Variants in CHCHD6 observed in about 807,000 individuals in gnomAD.
CHCHD6 encodes coiled-coil-helix-coiled-coil-helix domain containing 6, also known as MICOS complex subunit MIC25.
A neutral mutation model predicts 32.3 loss-of-function variants in CHCHD6; 28 were observed. The observed-to-expected ratio is 0.87, with a 90% CI of 0.64 to 1.19. The LOEUF (loss-of-function observed/expected upper bound fraction) is 1.19. CHCHD6 is among the 50% of genes most tolerant of loss of function. The pLI, the probability that CHCHD6 is intolerant of heterozygous loss-of-function variation, is 0.00. For synonymous variants in CHCHD6, 122 were observed against 117.5 expected (o/e 1.04, Z -0.25); for missense variants, 333 against 307.0 (o/e 1.08, Z -0.63).
chr3:126,809,054 C>T (rs7618204), intron 4 of CHCHD6, among the ~76,000 whole-genome samples: 2,880 of 152,132 alleles, frequency 0.019, 97 homozygotes, highest in African/African-American at 0.065. Flanking sequence ...TCACTGCAGC[C>T]TCCACCTCCC....
At chr3:126,840,337 A>G (rs1285985427) in intron 4 of CHCHD6, among the ~76,000 whole-genome samples, 2 of 152,186 alleles carry the variant, frequency 1.3e-5, no homozygotes, top group Non-Finnish European at 2.9e-5. Flanking sequence ...AACTTTGTGA[A>G]TGTACTAAAA....
At chr3:126,945,759 G>A (rs2078628350) in intron 6 of CHCHD6, among the ~76,000 whole-genome samples, 1 of 150,608 alleles carries the variant, frequency 6.6e-6, no homozygotes, top group Non-Finnish European at 1.5e-5. Flanking sequence ...AGACTTGAGT[G>A]GGGAGACTCG....
intron 4 of CHCHD6, among the ~76,000 whole-genome samples, chr3:126,807,227 C>T (rs1456250989): frequency 6.6e-6 from 1 of 151,622 alleles, no homozygotes; most frequent in South Asian, 2.1e-4. Context: ...CCAAAACATT[C>T]AGCCTCCATA....
chr3:126,873,808 G>A (rs536490243), intron 5 of CHCHD6, among the ~76,000 whole-genome samples: 56 of 152,332 alleles, frequency 3.7e-4, no homozygotes, highest in Admixed American at 1.9e-3. Flanking sequence ...CACAGGTCTA[G>A]TAAGTAGATG....
chr3:126,907,879 C>A (rs1249480493), intron 5 of CHCHD6, among the ~76,000 whole-genome samples: 1 of 152,140 alleles, frequency 6.6e-6, no homozygotes, highest in Non-Finnish European at 1.5e-5. Context: ...TTTTTCTTCC[C>A]AAGGGACAGC....
At chr3:126,812,552 T>A (rs1452101349) in intron 4 of CHCHD6, among the ~76,000 whole-genome samples, 2 of 151,822 alleles carry the variant, frequency 1.3e-5, no homozygotes, top group Non-Finnish European at 2.9e-5. Flanking sequence ...GTTTCCCTAG[T>A]ATGCTGGGAT....
At chr3:126,801,119 T>C (rs1041435073) in intron 4 of CHCHD6, among the ~76,000 whole-genome samples, 12 of 152,166 alleles carry the variant, frequency 7.9e-5, no homozygotes, top group African/African-American at 2.9e-4. Context: ...GGTCCACAGC[T>C]CCCAGCGTGA....
At chr3:126,755,367 C>T (rs1016045539) in intron 4 of CHCHD6, among the ~76,000 whole-genome samples, 4 of 152,148 alleles carry the variant, frequency 2.6e-5, no homozygotes, top group Admixed American at 6.5e-5. Flanking sequence ...AGAACCCAAG[C>T]GAATGCCCAC....
intron 6 of CHCHD6, among the ~76,000 whole-genome samples, chr3:126,952,041 G>A (rs1396802327): frequency 1.4e-4 from 21 of 152,328 alleles, no homozygotes; most frequent in Middle Eastern, 3.4e-3. Flanking sequence ...GTAATGCTTC[G>A]CACATTGTGC....
At chr3:126,826,244 T>C (rs998612608) in intron 4 of CHCHD6, among the ~76,000 whole-genome samples, 1 of 152,206 alleles carries the variant, frequency 6.6e-6, no homozygotes, top group African/African-American at 2.4e-5. Context: ...TTAGAAAGGC[T>C]GATGTGATGG....
At chr3:126,817,756 C>T (rs1401351986) in intron 4 of CHCHD6, among the ~76,000 whole-genome samples, 1 of 152,208 alleles carries the variant, frequency 6.6e-6, no homozygotes, top group African/African-American at 2.4e-5. Flanking sequence ...GACTTCCTGC[C>T]TCAGCCTGTC....
intron 4 of CHCHD6, chr3:126,766,652 C>A: frequency 1.9e-6 from 2 of 1,030,264 alleles, no homozygotes; most frequent in Non-Finnish European, 3.1e-6. Flanking sequence ...AGCTATGGTG[C>A]TCTCTCGGTG....
chr3:126,897,410 C>G (rs1482763318), intron 5 of CHCHD6, among the ~76,000 whole-genome samples: 1 of 152,172 alleles, frequency 6.6e-6, no homozygotes, highest in Non-Finnish European at 1.5e-5. Flanking sequence ...GGGTGTTACT[C>G]TTTTAACTAG....
intron 5 of CHCHD6, among the ~76,000 whole-genome samples, chr3:126,875,349 T>G (rs576295203): frequency 1.3e-3 from 204 of 152,358 alleles, no homozygotes; most frequent in African/African-American, 4.8e-3. Flanking sequence ...GCTGCCTGCC[T>G]TCTGAAGAGC....
chr3:126,852,731 G>C lies in CHCHD6; in HGVS notation c.495+1G>C. ...GCAGCTGGAGCGTATTGAGAGGAAG[G>C]TAAGACTCCTGCTTGGCTGCATTCC... On this transcript the variant is annotated splice_donor_variant, in intron 5 of 7. Transcript: ENST00000290913. LOFTEE classifies it high-confidence loss of function. 3.7e-6 allele frequency: 6 copies of C among 1,607,080 alleles called. No individual in the cohort carries two copies. Among genetic ancestry groups the C allele is most frequent in the Non-Finnish European group, 5.1e-6 (6 of 1,173,974 alleles).
At chr3:126,849,431 A>G (rs893336727) in intron 4 of CHCHD6, among the ~76,000 whole-genome samples, 3 of 152,136 alleles carry the variant, frequency 2.0e-5, no homozygotes, top group Non-Finnish European at 4.4e-5. Context: ...TGCCAGTGCT[A>G]TGTGTTTGGA....
intron 6 of CHCHD6, among the ~76,000 whole-genome samples, chr3:126,940,583 A>C (rs1304128157): frequency 6.6e-6 from 1 of 152,154 alleles, no homozygotes; most frequent in Non-Finnish European, 1.5e-5. Flanking sequence ...GGATACACAC[A>C]CCAAAAAAAA....
intron 6 of CHCHD6, among the ~76,000 whole-genome samples, chr3:126,918,118 A>G (rs746269107): frequency 3.9e-5 from 6 of 152,272 alleles, no homozygotes; most frequent in South Asian, 2.1e-4. Context: ...TTTCCCAAAT[A>G]CAGTAAACAC....
intron 4 of CHCHD6, among the ~76,000 whole-genome samples, chr3:126,772,494 C>T (rs542677891): frequency 3.6e-4 from 55 of 152,244 alleles, no homozygotes; most frequent in South Asian, 1.2e-3. Flanking sequence ...CATTGTGTAA[C>T]GCCCTTTGTC....
Sources: gnomAD v4.1 joint callset for allele counts (sites outside exome capture counted in the v4.1 genomes callset) on GRCh38, gnomAD v4.1.1 for gene constraint, MANE v1.5 for transcripts, NCBI Gene and HGNC (gene_info 2026-07-23, HGNC 2026-07-21) for gene names.